KIF13B: variants seen among roughly 807,000 people sequenced by gnomAD.
KIF13B encodes the protein kinesin family member 13B, also known as kinesin-like protein KIF13B.
In KIF13B, 127 loss-of-function variants were observed where a neutral mutation model predicts 222.0. That is an observed-to-expected ratio of 0.57 (90% CI 0.50 to 0.66). KIF13B has a LOEUF of 0.66. Ranked by LOEUF, KIF13B falls within the 30% of genes least tolerant of loss-of-function variation. The pLI is 0.00. For missense variants in KIF13B, 2,173 were observed against 2,379.0 expected (o/e 0.91, Z 1.80); for synonymous variants, 976 against 919.0 (o/e 1.06, Z -1.12).
rs1218446631 is a variant in KIF13B at position 29,142,146 on chromosome 8, A to T, written c.2334+11T>A. 2.5e-6 allele frequency: 4 copies of T among 1,609,118 alleles called. No homozygotes were observed. The highest frequency in any genetic ancestry group is 1.7e-6 in the Non-Finnish European group (2 of 1,176,272). ...ATTACCAATTAAGTGATTTTCTCTT[A>T]AATAACTTACTGGGTTATCTTCTTC... On this transcript the variant is annotated intron_variant, in intron 19 of 39. Transcript: ENST00000524189.
intron 32 of KIF13B, among the ~76,000 whole-genome samples, chr8:29,111,775 C>A (rs1390164341): frequency 1.3e-5 from 2 of 152,076 alleles, no homozygotes; most frequent in Non-Finnish European, 2.9e-5. Flanking sequence ...TGCATTCAAG[C>A]GATTTACAGA....
intron 1 of KIF13B, among the ~76,000 whole-genome samples, chr8:29,256,225 C>G (rs1434309605): frequency 6.6e-6 from 1 of 152,202 alleles, no homozygotes; most frequent in Non-Finnish European, 1.5e-5. Context: ...ACCCTAAAAC[C>G]TGCTTCTCCT....
intron 2 of KIF13B, among the ~76,000 whole-genome samples, chr8:29,217,852 G>A (rs984887796): frequency 1.3e-5 from 2 of 151,994 alleles, no homozygotes; most frequent in African/African-American, 4.8e-5. Flanking sequence ...CAGTGTGGGG[G>A]GCTATCAGGA....
chr8:29,155,961 A>AT (rs1421601777), intron 13 of KIF13B, 105 bp from the exon 14 acceptor site: 21 of 824,636 alleles, frequency 2.5e-5, no homozygotes, highest in African/African-American at 1.2e-4. Flanking sequence ...CTTTGCGAAA[A>AT]TTTTTTTTAT....
In KIF13B at chr8:29,263,036, C is replaced by G. The variant is rs1395952288; in HGVS notation, c.-2G>C. On this transcript the variant is annotated 5_prime_UTR_variant, in exon 1 of 40. Coordinates refer to ENST00000524189, the MANE Select transcript of KIF13B (RefSeq NM_015254.4). The stretch of plus-strand genomic sequence containing the variant: ...CACTTTCACTTTGGAGTCCCCCATC[C>G]TGCAGCCGCCGAGGAACTCGTTCGG... 10 of 1,593,514 alleles carry G rather than the reference C, an allele frequency of 6.3e-6. No homozygotes were observed. Among genetic ancestry groups the G allele is most frequent in the Non-Finnish European group, 8.5e-6 (10 of 1,171,832 alleles).
chr8:29,126,730 G>A (rs1007661907), intron 25 of KIF13B, among the ~76,000 whole-genome samples: 8 of 152,074 alleles, frequency 5.3e-5, no homozygotes, highest in Non-Finnish European at 7.4e-5. Context: ...TGACCTTTTC[G>A]GGAACCAGTG....
chr8:29,255,723 T>G (rs1320917752), intron 1 of KIF13B, among the ~76,000 whole-genome samples: 2 of 152,110 alleles, frequency 1.3e-5, no homozygotes, highest in African/African-American at 4.8e-5. Flanking sequence ...CAATACCAAT[T>G]AATTCGTTTC....
rs147447394 is a variant in KIF13B, at chr8:29,087,011, G to A, written c.4458+5734C>T. Among the ~76,000 whole-genome samples, 45 of 152,340 alleles carry A rather than the reference G, an allele frequency of 3.0e-4. No individual in the cohort carries two copies. The East Asian group carries it at 6.0e-3, about 20-fold the overall frequency. ...CTAAGTCCAGCACTGGATGCCTCAC[G>A]CAGAGCCGTAGCCACGCCAGTGTGT... is the stretch of plus-strand genomic sequence containing the variant. On this transcript the variant is annotated intron_variant, in intron 37 of 39. Coordinates refer to ENST00000524189, the MANE Select transcript of KIF13B (RefSeq NM_015254.4).
At chr8:29,246,669 G>A (rs78679487) in intron 1 of KIF13B, among the ~76,000 whole-genome samples, 15,208 of 152,090 alleles carry the variant, frequency 0.1, 1,046 homozygotes, top group African/African-American at 0.19. Context: ...AAAAAGAAAA[G>A]GAGGGCACTC....
intron 8 of KIF13B, among the ~76,000 whole-genome samples, chr8:29,178,686 T>C (rs1255971461): frequency 2.0e-5 from 3 of 152,144 alleles, no homozygotes; most frequent in Admixed American, 6.5e-5. Context: ...AGTATGTTTT[T>C]TGTTTTATGC....
chr8:29,195,114 G>C (rs962611668), intron 3 of KIF13B, among the ~76,000 whole-genome samples: 1 of 152,204 alleles, frequency 6.6e-6, no homozygotes, highest in East Asian at 1.9e-4. Context: ...TTGGTGTGGT[G>C]GTGGGTGCCT....
At chr8:29,113,600 C>CT (rs1352715101) in intron 31 of KIF13B, 45 bp from the exon 32 acceptor site, 1 of 1,185,590 alleles carries the variant, frequency 8.4e-7, no homozygotes, top group South Asian at 1.3e-5. Flanking sequence ...ACCTGAAAAA[C>CT]TGAGTTTACA....
intron 35 of KIF13B, among the ~76,000 whole-genome samples, chr8:29,106,403 G>A (rs895875502): frequency 6.6e-6 from 1 of 152,068 alleles, no homozygotes; most frequent in East Asian, 1.9e-4. Context: ...AGGCCAAGGC[G>A]GACAGATCAC....
At chr8:29,112,364 C>T (rs1053873951) in intron 32 of KIF13B, among the ~76,000 whole-genome samples, 1 of 138,418 alleles carries the variant, frequency 7.2e-6, no homozygotes, top group Non-Finnish European at 1.5e-5. Context: ...ACCCGGGAGT[C>T]GGAGGTTGCA....
At chr8:29,072,519 G>C (rs1023925125) in intron 38 of KIF13B, among the ~76,000 whole-genome samples, 3 of 152,146 alleles carry the variant, frequency 2.0e-5, no homozygotes, top group Non-Finnish European at 4.4e-5. Context: ...ACCCCGTTTC[G>C]ACAAAATAAA....
At chr8:29,223,067 C>G (rs967190502) in intron 2 of KIF13B, among the ~76,000 whole-genome samples, 15 of 150,734 alleles carry the variant, frequency 1.0e-4, no homozygotes, top group African/African-American at 3.4e-4. Context: ...CCTATAATGC[C>G]AGCACTTTGG....
intron 36 of KIF13B, among the ~76,000 whole-genome samples, chr8:29,095,957 C>A (rs1198154437): frequency 1.3e-5 from 2 of 149,112 alleles, no homozygotes; most frequent in African/African-American, 4.9e-5. Flanking sequence ...TCTCAAAAGA[C>A]AAGTAGTGTT....
intron 34 of KIF13B, among the ~76,000 whole-genome samples, chr8:29,108,810 T>C (rs1170163339): frequency 6.6e-6 from 1 of 152,168 alleles, no homozygotes; most frequent in Non-Finnish European, 1.5e-5. Context: ...TGCTGTAACT[T>C]CTCTTGGTGT....
At chr8:29,075,727 A>G (rs1350669876) in intron 37 of KIF13B, among the ~76,000 whole-genome samples, 3 of 152,126 alleles carry the variant, frequency 2.0e-5, no homozygotes, top group Non-Finnish European at 4.4e-5. Context: ...GGCTGGGGAG[A>G]GGAAGGAGTG....
Sources: allele counts gnomAD v4.1 joint callset (sites outside exome capture counted in the v4.1 genomes callset), GRCh38; gene constraint gnomAD v4.1.1; transcripts MANE v1.5; gene names NCBI Gene and HGNC (gene_info 2026-07-23, HGNC 2026-07-21).